The following SPAG17 variants were observed in gnomAD, a reference collection of about 807,000 sequenced individuals.
SPAG17 encodes sperm associated antigen 17.
SPAG17 carries 169 observed loss-of-function variants against 273.6 expected under a neutral mutation model. The observed-to-expected ratio is 0.62, with a 90% CI of 0.55 to 0.70. The LOEUF (loss-of-function observed/expected upper bound fraction) is 0.70, where lower values mean the gene tolerates loss of function less well. Among genes scored for constraint, SPAG17 ranks in the 30% least tolerant of loss-of-function variants. The probability of loss-of-function intolerance (pLI) is 0.00; values close to 1 mark genes in which losing one functional copy is unlikely to be tolerated. For synonymous variants in SPAG17, 825 were observed against 873.2 expected (o/e 0.94, Z 0.97); for missense variants, 2,557 against 2,627.8 (o/e 0.97, Z 0.59).
At chr1:118,172,573 G>A (rs1660466070) in intron 1 of SPAG17, among the ~76,000 whole-genome samples, 1 of 152,086 alleles carries the variant, frequency 6.6e-6, no homozygotes, top group Admixed American at 6.5e-5. Flanking sequence ...AAATATAAAA[G>A]TATTTAATGA....
rs769998448 is a variant in SPAG17 at position 117,966,602 on chromosome 1, AG to A, written c.6532+6del. The A allele has an allele frequency of 2.4e-5, 39 of 1,598,584 alleles. No individual in the cohort carries two copies. The highest frequency in any genetic ancestry group is 3.1e-5 in the Non-Finnish European group (37 of 1,174,706). ...TATGATTACTCAAGTTGAACTTTAA[AG>A]GATATTTGCTTCCACAGGTAGGAAC... is the stretch of plus-strand genomic sequence containing the variant. On this transcript the variant is annotated splice_donor_region_variant and intron_variant, in intron 47 of 48. Transcript: ENST00000336338.
intron 48 of SPAG17, chr1:117,960,452 A>G (rs1652916845): frequency 6.6e-6 from 1 of 152,208 alleles, no homozygotes; most frequent in South Asian, 2.1e-4. Context: ...CTGTTTATAA[A>G]ATGAATTGTC....
chr1:118,092,957 T>G (rs1365071605), intron 8 of SPAG17, among the ~76,000 whole-genome samples, 199 bp downstream of exon 8: 2 of 152,216 alleles, frequency 1.3e-5, no homozygotes, highest in African/African-American at 4.8e-5. Context: ...ACAAGAAGGT[T>G]CCATCCTTGC....
At chr1:118,178,268 AG>A (rs1375124189) in intron 1 of SPAG17, among the ~76,000 whole-genome samples, 1 of 152,152 alleles carries the variant, frequency 6.6e-6, no homozygotes, top group Non-Finnish European at 1.5e-5. Flanking sequence ...AATTTATGTC[AG>A]GAATGCGAGG....
chr1:118,008,691 T>C (rs2101757190), intron 30 of SPAG17, among the ~76,000 whole-genome samples: 1 of 152,306 alleles, frequency 6.6e-6, no homozygotes, highest in South Asian at 2.1e-4. Flanking sequence ...TTTAAATGTA[T>C]GTAAGCTATA....
At chr1:118,053,050 A>G (rs1293786393) in intron 20 of SPAG17, among the ~76,000 whole-genome samples, 1 of 152,056 alleles carries the variant, frequency 6.6e-6, no homozygotes, top group African/African-American at 2.4e-5. Flanking sequence ...GTAGGATGAG[A>G]ACTGAACTTA....
intron 1 of SPAG17, among the ~76,000 whole-genome samples, chr1:118,173,208 C>A (rs987089649): frequency 6.6e-6 from 1 of 151,774 alleles, no homozygotes; most frequent in Non-Finnish European, 1.5e-5. Context: ...AATGAATGAC[C>A]AATCAAGAAA....
chr1:118,122,312 T>A (rs1388785397), intron 3 of SPAG17, among the ~76,000 whole-genome samples: 1 of 152,240 alleles, frequency 6.6e-6, no homozygotes, highest in Non-Finnish European at 1.5e-5. Flanking sequence ...TGTTCTCACA[T>A]AAGATTCCAA....
chr1:118,007,639 A>G (rs1279266467), intron 31 of SPAG17, among the ~76,000 whole-genome samples: 1 of 152,166 alleles, frequency 6.6e-6, no homozygotes, highest in Non-Finnish European at 1.5e-5. Flanking sequence ...TGAGTAGAGT[A>G]GTGAGGACTG....
intron 18 of SPAG17, among the ~76,000 whole-genome samples, chr1:118,059,671 A>G (rs949842092): frequency 6.6e-6 from 1 of 152,230 alleles, no homozygotes; most frequent in African/African-American, 2.4e-5. Flanking sequence ...TCATTATATA[A>G]TGATGTAGTC....
In SPAG17 at chr1:118,069,721, G is replaced by A. The variant is rs139662712; in HGVS notation, c.2386-2822C>T. ...ATAACAGATGAGATCATCAAAGAAG[G>A]GTGTTTACAGAGGCAAGAAGATGCT... On this transcript the variant is annotated intron_variant, in intron 17 of 48. Coordinates refer to ENST00000336338, the MANE Select transcript of SPAG17 (RefSeq NM_206996.4). Among the ~76,000 whole-genome samples, 265 of 152,224 alleles carry A rather than the reference G, an allele frequency of 1.7e-3. 2 individuals carry two copies. Among genetic ancestry groups the A allele is most frequent in the African/African-American group, 6.1e-3 (254 of 41,548 alleles).
At chr1:118,036,566 A>ATT (rs1649108100) in intron 24 of SPAG17, 1 of 321,792 alleles carries the variant, frequency 3.1e-6, no homozygotes. Context: ...TGTATAAAAG[A>ATT]TTATATATAT....
At chr1:117,965,228 T>C (rs1440695734) in intron 47 of SPAG17, 1 of 152,222 alleles carries the variant, frequency 6.6e-6, no homozygotes, top group Non-Finnish European at 1.5e-5. Flanking sequence ...ATAGCATCCG[T>C]CAATTGTGTC....
intron 1 of SPAG17, among the ~76,000 whole-genome samples, chr1:118,178,177 G>A (rs144118484): frequency 1.1e-3 from 168 of 152,014 alleles, no homozygotes; most frequent in African/African-American, 4.0e-3. Context: ...GGCCAAAACC[G>A]CAATTACTTT....
intron 18 of SPAG17, among the ~76,000 whole-genome samples, chr1:118,064,240 A>G (rs1652693298): frequency 6.6e-6 from 1 of 152,128 alleles, no homozygotes. Context: ...TATTGAGTAT[A>G]TACACAAAGG....
intron 13 of SPAG17, among the ~76,000 whole-genome samples, chr1:118,082,834 A>G (rs555696188): frequency 6.6e-6 from 1 of 152,242 alleles, no homozygotes; most frequent in African/African-American, 2.4e-5. Flanking sequence ...TATCTGGGGG[A>G]AAGTGACTGA....
Position 118,008,202 on chromosome 1 carries a change from C to G in SPAG17, c.4433-4G>C, listed in dbSNP as rs1659107937. ...GTGACAGTCCGAGGACCCTCGGCTACAAGCAAATGCAAGGTAAGCAGATCT... is the reference window on the plus strand; with the variant it reads ...GTGACAGTCCGAGGACCCTCGGCTAGAAGCAAATGCAAGGTAAGCAGATCT... On this transcript the variant is annotated splice_region_variant and splice_polypyrimidine_tract_variant and intron_variant, in intron 30 of 48. Transcript: ENST00000336338. The G allele has an allele frequency of 2.5e-6, 4 of 1,613,432 alleles. No individual in the cohort carries two copies. The highest frequency in any genetic ancestry group is 3.4e-6 in the Non-Finnish European group (4 of 1,179,798).
intron 3 of SPAG17, among the ~76,000 whole-genome samples, chr1:118,124,567 A>T (rs1657598874): frequency 6.6e-6 from 1 of 152,246 alleles, no homozygotes; most frequent in Admixed American, 6.5e-5. Context: ...TTATAGCTGC[A>T]ATTACAAAGC....
chr1:117,971,701 A>G (rs550099912), intron 45 of SPAG17, 162 bp downstream of exon 45: 15 of 511,944 alleles, frequency 2.9e-5, no homozygotes, highest in African/African-American at 2.5e-4. Flanking sequence ...TTGTTGATGA[A>G]TGAATGAATG....
Sources: allele counts gnomAD v4.1 joint callset (sites outside exome capture counted in the v4.1 genomes callset), GRCh38; gene constraint gnomAD v4.1.1; transcripts MANE v1.5; gene names NCBI Gene and HGNC (gene_info 2026-07-23, HGNC 2026-07-21).